USH2A: variants seen among roughly 807,000 people sequenced by gnomAD.
The protein encoded by USH2A is usherin, also known as Usher syndrome 2A (autosomal recessive, mild).
A neutral mutation model predicts 538.9 loss-of-function variants in USH2A; 443 were observed. The ratio of observed to expected loss-of-function variants is 0.82; its 90% CI spans 0.76 to 0.89. The LOEUF (loss-of-function observed/expected upper bound fraction) is 0.89. Ranked by LOEUF, USH2A falls within the 40% of genes least tolerant of loss-of-function variation. The pLI is 0.00. For missense variants in USH2A, 6,633 were observed against 6,324.8 expected (o/e 1.05, Z -1.65); for synonymous variants, 2,413 against 2,273.5 (o/e 1.06, Z -1.75).
intron 17 of USH2A, 69 bp downstream of exon 17, chr1:216,199,558 T>C (rs1035289937): frequency 6.2e-7 from 1 of 1,610,050 alleles, no homozygotes; most frequent in East Asian, 2.2e-5. Flanking sequence ...AAATTCCTAA[T>C]TGCACAATTA....
At position 215,935,664 on chromosome 1, in the gene USH2A, A is replaced by C. The variant is rs555918578; in HGVS notation, c.7121-869T>G. On this transcript the variant is annotated intron_variant, in intron 37 of 71. Coordinates refer to ENST00000307340, the MANE Select transcript of USH2A (RefSeq NM_206933.4). Reference sequence around the variant, plus strand: ...TTAAATTTCAGGTTAAGAGTAAAAAATTAGGGTTAAAATAAGAAAAGGGCT... The same window carrying C: ...TTAAATTTCAGGTTAAGAGTAAAAACTTAGGGTTAAAATAAGAAAAGGGCT... 2.0e-5 allele frequency among the ~76,000 whole-genome samples: 3 copies of C among 152,110 alleles called. No homozygotes were observed. In the East Asian group the frequency reaches 5.8e-4, roughly 29 times the overall value.
At chr1:215,867,234 A>G in intron 43 of USH2A, 64 bp from the exon 44 acceptor site, 6 of 1,547,582 alleles carry the variant, frequency 3.9e-6, no homozygotes, top group Middle Eastern at 1.7e-4. Context: ...CTAACAAATA[A>G]TTTCTTTTTT....
chr1:215,964,405 C>T (rs540795977), intron 37 of USH2A, among the ~76,000 whole-genome samples: 1 of 152,294 alleles, frequency 6.6e-6, no homozygotes, highest in South Asian at 2.1e-4. Context: ...AATAACCACC[C>T]TTTTCAAATT....
At chr1:215,716,215 C>A (rs998815031) in intron 61 of USH2A, among the ~76,000 whole-genome samples, 2 of 152,180 alleles carry the variant, frequency 1.3e-5, no homozygotes, top group Admixed American at 6.5e-5. Context: ...GGGGGCCCGC[C>A]AAGTAGAAAG....
At chr1:215,966,097 AG>A (rs1558185831) in intron 36 of USH2A, among the ~76,000 whole-genome samples, 1 of 152,198 alleles carries the variant, frequency 6.6e-6, no homozygotes, top group African/African-American at 2.4e-5. Context: ...TCTATCCCTA[AG>A]GCACAATCAC....
intron 11 of USH2A, among the ~76,000 whole-genome samples, chr1:216,265,870 C>G: frequency 6.6e-6 from 1 of 151,772 alleles, no homozygotes. Flanking sequence ...AGTAGAAGGT[C>G]GAATAGTGGT....
intron 61 of USH2A, 73 bp downstream of exon 61, chr1:215,727,957 T>C (rs78380529): frequency 0.013 from 19,668 of 1,533,052 alleles, 517 homozygotes; most frequent in Admixed American, 0.079. Context: ...AAATGAGAAG[T>C]TGGACAAGAA....
In USH2A at chr1:216,315,198, C is replaced by G. The variant is rs983636770; in HGVS notation, c.1644+6685G>C. Among the ~76,000 whole-genome samples, 3 of 152,208 alleles carry G rather than the reference C, an allele frequency of 2.0e-5. No individual in the cohort carries two copies. The South Asian group carries it at 6.2e-4, about 32-fold the overall frequency. On this transcript the variant is annotated intron_variant, in intron 9 of 71. Transcript: ENST00000307340. ...CCAATTCCTAGCTTGTATTATGTAC[C>G]TATGAGCTTAATATATACACTTTGA...
intron 23 of USH2A, among the ~76,000 whole-genome samples, chr1:216,087,527 G>A (rs952635617): frequency 6.6e-6 from 1 of 152,042 alleles, no homozygotes; most frequent in Non-Finnish European, 1.5e-5. Context: ...TTAAGGGCCA[G>A]TAAACTCTGT....
intron 4 of USH2A, among the ~76,000 whole-genome samples, chr1:216,350,162 T>C (rs917274821): frequency 6.6e-6 from 1 of 151,996 alleles, no homozygotes; most frequent in Non-Finnish European, 1.5e-5. Flanking sequence ...ACTATCACAA[T>C]AAATCATTCA....
chr1:216,040,311 T>G (rs1011962000), intron 32 of USH2A, among the ~76,000 whole-genome samples: 2 of 151,994 alleles, frequency 1.3e-5, no homozygotes, highest in Non-Finnish European at 2.9e-5. Context: ...TTCTATAATG[T>G]CCCTATTAAC....
intron 20 of USH2A, among the ~76,000 whole-genome samples, chr1:216,189,148 G>T (rs929351223): frequency 6.6e-6 from 1 of 151,874 alleles, no homozygotes; most frequent in Non-Finnish European, 1.5e-5. Context: ...AAAGTGTTCA[G>T]TTATAAATTT....
chr1:216,340,521 C>T (rs994393055), intron 4 of USH2A, among the ~76,000 whole-genome samples: 3 of 141,638 alleles, frequency 2.1e-5, no homozygotes, highest in Non-Finnish European at 4.5e-5. Flanking sequence ...TACAAAAAAC[C>T]TGGCAGAGAC....
At chr1:216,040,086 C>T (rs1237344001) in intron 32 of USH2A, among the ~76,000 whole-genome samples, 2 of 149,954 alleles carry the variant, frequency 1.3e-5, no homozygotes, top group Non-Finnish European at 3.0e-5. Context: ...CACACACACG[C>T]ATGCACACAC....
chr1:216,328,089 C>CA (rs749476232), intron 4 of USH2A, among the ~76,000 whole-genome samples: 37 of 152,224 alleles, frequency 2.4e-4, no homozygotes, highest in Non-Finnish European at 5.3e-4. Context: ...GTTATAGCTC[C>CA]AAGCTCCAGG....
intron 37 of USH2A, among the ~76,000 whole-genome samples, chr1:215,936,978 C>A (rs1187758652): frequency 1.3e-5 from 2 of 152,028 alleles, no homozygotes. Context: ...TAAAAAGATA[C>A]TTATAACCAT....
At chr1:216,286,313 C>T (rs1356370942) in intron 11 of USH2A, among the ~76,000 whole-genome samples, 2 of 152,128 alleles carry the variant, frequency 1.3e-5, no homozygotes, top group Non-Finnish European at 2.9e-5. Flanking sequence ...AGGGGCTTTC[C>T]CTGTTCCTCA....
At chr1:216,128,704 T>C (rs1020178231) in intron 21 of USH2A, among the ~76,000 whole-genome samples, 14 of 152,094 alleles carry the variant, frequency 9.2e-5, no homozygotes, top group African/African-American at 3.4e-4. Context: ...TCAGGATAAT[T>C]GGGATATGCA....
chr1:215,651,063 AC>A (rs1320427399), intron 64 of USH2A, among the ~76,000 whole-genome samples: 1 of 152,108 alleles, frequency 6.6e-6, no homozygotes, highest in Non-Finnish European at 1.5e-5. Flanking sequence ...AGAATGCAGC[AC>A]GTTGATTTAA....
Sources: allele counts gnomAD v4.1 joint callset (sites outside exome capture counted in the v4.1 genomes callset), GRCh38; gene constraint gnomAD v4.1.1; transcripts MANE v1.5; gene names NCBI Gene and HGNC (gene_info 2026-07-23, HGNC 2026-07-21).